Variants in FUT8 observed in about 807,000 individuals in gnomAD.
FUT8 encodes the protein fucosyltransferase 8.
In FUT8, 29 loss-of-function variants were observed where a neutral mutation model predicts 71.3. That is an observed-to-expected ratio of 0.41 (90% CI 0.30 to 0.55). FUT8 has a LOEUF of 0.55. Among genes scored for constraint, FUT8 ranks in the 20% least tolerant of loss-of-function variants. The pLI, the probability that FUT8 is intolerant of heterozygous loss-of-function variation, is 0.34. For missense variants in FUT8, 544 were observed against 702.1 expected (o/e 0.77, Z 2.55); for synonymous variants, 254 against 239.3 (o/e 1.06, Z -0.57).
chr14:65,654,051 G>A (rs989993283), intron 6 of FUT8, among the ~76,000 whole-genome samples: 2 of 152,164 alleles, frequency 1.3e-5, no homozygotes, highest in African/African-American at 4.8e-5. Context: ...TAGGTATAGG[G>A]AATTGCCTAA....
chr14:65,679,102 A>G (rs1892907488), intron 7 of FUT8, among the ~76,000 whole-genome samples: 1 of 152,174 alleles, frequency 6.6e-6, no homozygotes, highest in African/African-American at 2.4e-5. Flanking sequence ...TGAAAGAGTA[A>G]ATCACCGTGT....
intron 1 of FUT8, among the ~76,000 whole-genome samples, chr14:65,452,926 A>G (rs1217795637): frequency 6.6e-6 from 1 of 152,224 alleles, no homozygotes; most frequent in Non-Finnish European, 1.5e-5. Context: ...TGGAACAGAT[A>G]TATAATAACT....
At chr14:65,402,396 T>C in the FUT8 span, among the ~76,000 whole-genome samples, 1 of 150,452 alleles carries the variant, frequency 6.6e-6, no homozygotes, top group African/African-American at 2.4e-5. Context: ...GGGCTGGGCG[T>C]GGTGGCTCAC....
At chr14:65,584,531 A>C (rs574678358) in intron 3 of FUT8, among the ~76,000 whole-genome samples, 1 of 152,326 alleles carries the variant, frequency 6.6e-6, no homozygotes, top group East Asian at 1.9e-4. Context: ...AAGATTAAAG[A>C]AAGTGAATTA....
chr14:65,628,831 G>A lies in FUT8; in HGVS notation c.483-661G>A, dbSNP rs79550790. Among the ~76,000 whole-genome samples the A allele has an allele frequency of 6.2e-3, 941 of 152,282 alleles. 10 individuals are homozygous for A. Among genetic ancestry groups the A allele is most frequent in the East Asian group, 0.035 (182 of 5,188 alleles). The stretch of plus-strand genomic sequence containing the variant: ...AGGACTCAGCAAATTATGGCCCAGA[G>A]ACCAAATCTGGCTCATTGCCTGTTT... On this transcript the variant is annotated intron_variant, in intron 5 of 10. Transcript: ENST00000673929.
intron 3 of FUT8, among the ~76,000 whole-genome samples, chr14:65,570,422 A>T (rs1886408136): frequency 6.7e-6 from 1 of 149,366 alleles, no homozygotes; most frequent in Non-Finnish European, 1.5e-5. Flanking sequence ...TTTTTCTGGG[A>T]GTGGTGGGGA....
At chr14:65,568,568 C>T (rs1245646403) in intron 3 of FUT8, among the ~76,000 whole-genome samples, 2 of 150,914 alleles carry the variant, frequency 1.3e-5, no homozygotes, top group Admixed American at 6.6e-5. Flanking sequence ...TACTTAATTT[C>T]CAAATTGGGC....
chr14:65,582,362 C>T (rs754439248), intron 3 of FUT8, among the ~76,000 whole-genome samples: 3 of 152,022 alleles, frequency 2.0e-5, no homozygotes, highest in African/African-American at 4.8e-5. Context: ...GTTGGCGTTT[C>T]GTGATCTCTG....
chr14:65,694,037 C>T (rs540017816), intron 7 of FUT8, among the ~76,000 whole-genome samples: 2 of 68,276 alleles, frequency 2.9e-5, no homozygotes, highest in African/African-American at 6.0e-5. Flanking sequence ...TTGTTGTGGC[C>T]TGTCTTTTAT....
At chr14:65,499,738 A>G (rs1467921621) in intron 2 of FUT8, among the ~76,000 whole-genome samples, 1 of 151,502 alleles carries the variant, frequency 6.6e-6, no homozygotes, top group Non-Finnish European at 1.5e-5. Context: ...GCTTGAGTCC[A>G]TCGAGGTCTA....
In FUT8 at chr14:65,413,370, G is replaced by A. The variant is rs2065167976; in HGVS notation, c.-326+156G>A. Reference sequence around the variant, plus strand: ...TTAACCAGCGGCTCTCGGAAAAGTGGGGAGGGAGCCCCCGGGACGCTCTGG... The same window carrying A: ...TTAACCAGCGGCTCTCGGAAAAGTGAGGAGGGAGCCCCCGGGACGCTCTGG... On this transcript the variant is annotated intron_variant, in intron 1 of 10. Transcript: ENST00000673929. The surrounding 1 kb of genome is among the most constrained non-coding windows in gnomAD (Gnocchi z 4.1). Among the ~76,000 whole-genome samples, 15 of 152,202 alleles carry A rather than the reference G, an allele frequency of 9.9e-5. No individual in the cohort carries two copies. The highest frequency in any genetic ancestry group is 8.5e-4 in the Admixed American group (13 of 15,276).
chr14:65,413,484 C>T lies in FUT8; in HGVS notation c.-326+270C>T, dbSNP rs986183640. ...GGGACGCGGAGCTGCGCCGCTGCTG[C>T]CCTCGGCGTCGCGCATCCTTGCCTA... On this transcript the variant is annotated intron_variant, in intron 1 of 10. Transcript: ENST00000673929. This position sits in a 1 kb window ranked among gnomAD's most constrained non-coding sequence, Gnocchi z 4.1. Among the ~76,000 whole-genome samples, 3 of 151,950 alleles carry T rather than the reference C, an allele frequency of 2.0e-5. No homozygotes were observed. Among genetic ancestry groups the T allele is most frequent in the African/African-American group, 4.8e-5 (2 of 41,294 alleles).
chr14:65,616,153 A>C, intron 4 of FUT8, 58 bp from the exon 5 acceptor site: 1 of 1,594,312 alleles, frequency 6.3e-7, no homozygotes, highest in Non-Finnish European at 8.5e-7. Flanking sequence ...CAGATAATTG[A>C]AAGTTTCCTT....
At chr14:65,438,376 T>C (rs1380413609) in intron 1 of FUT8, among the ~76,000 whole-genome samples, 1 of 152,228 alleles carries the variant, frequency 6.6e-6, no homozygotes. Flanking sequence ...TGAAGTTCTC[T>C]TGTAGCAAGT....
At chr14:65,579,894 G>A (rs1456756144) in intron 3 of FUT8, among the ~76,000 whole-genome samples, 1 of 151,992 alleles carries the variant, frequency 6.6e-6, no homozygotes, top group African/African-American at 2.4e-5. Context: ...TTAAAGGAAT[G>A]TGTACAAGCT....
At chr14:65,503,716 G>T (rs1298266009) in intron 2 of FUT8, among the ~76,000 whole-genome samples, 1 of 151,872 alleles carries the variant, frequency 6.6e-6, no homozygotes, top group Non-Finnish European at 1.5e-5. Context: ...GGTTCCTTTT[G>T]TCTGTTGATA....
chr14:65,619,870 G>C (rs1225278195), intron 5 of FUT8, among the ~76,000 whole-genome samples: 1 of 152,162 alleles, frequency 6.6e-6, no homozygotes, highest in Admixed American at 6.5e-5. Context: ...CTTTGCAGTA[G>C]AGAGAATTAA....
intron 2 of FUT8, among the ~76,000 whole-genome samples, chr14:65,526,749 G>A (rs1216375376): frequency 6.6e-6 from 1 of 152,108 alleles, no homozygotes; most frequent in African/African-American, 2.4e-5. Flanking sequence ...CTCTTGTAGG[G>A]CAGGCCTGGT....
At chr14:65,549,893 C>T (rs1396870452) in intron 2 of FUT8, among the ~76,000 whole-genome samples, 1 of 152,080 alleles carries the variant, frequency 6.6e-6, no homozygotes, top group East Asian at 1.9e-4. Flanking sequence ...AAACCTGTCT[C>T]TACTAAAAAC....
Sources: gnomAD v4.1 joint callset for allele counts (sites outside exome capture counted in the v4.1 genomes callset) on GRCh38, gnomAD v4.1.1 for gene constraint, Gnocchi (gnomAD v3.1) non-coding constraint, MANE v1.5 for transcripts, NCBI Gene and HGNC (gene_info 2026-07-23, HGNC 2026-07-21) for gene names.